PHLPP2: variants seen among roughly 807,000 people sequenced by gnomAD.
The protein encoded by PHLPP2 is PH domain leucine-rich repeat-containing protein phosphatase 2.
A neutral mutation model predicts 124.9 loss-of-function variants in PHLPP2; 66 were observed. The observed-to-expected ratio is 0.53, with a 90% CI of 0.43 to 0.65. The LOEUF is 0.65. Among genes scored for constraint, PHLPP2 ranks in the 30% least tolerant of loss-of-function variants. The probability of loss-of-function intolerance (pLI) is 0.00; values close to 1 mark genes in which losing one functional copy is unlikely to be tolerated. For missense variants in PHLPP2, 1,685 were observed against 1,600.4 expected (o/e 1.05, Z -0.90); for synonymous variants, 681 against 624.7 (o/e 1.09, Z -1.34).
At chr16:71,701,265 CATCTATCTATCT>C (rs61251526) in intron 3 of PHLPP2, among the ~76,000 whole-genome samples, 38,514 of 149,834 alleles carry the variant, frequency 0.26, 5,340 homozygotes, top group Middle Eastern at 0.37. Context: ...ATAACTAATT[CATCTATCTATCT>C]ATCTATCTAT....
intron 2 of PHLPP2, among the ~76,000 whole-genome samples, chr16:71,710,094 C>T (rs2045313774): frequency 6.6e-6 from 1 of 152,190 alleles, no homozygotes; most frequent in South Asian, 2.1e-4. Flanking sequence ...AGCAATCCTT[C>T]TGCCTTGGCC....
intron 2 of PHLPP2, among the ~76,000 whole-genome samples, 188 bp downstream of exon 2, chr16:71,714,324 T>G (rs2045343178): frequency 1.3e-5 from 2 of 152,208 alleles, no homozygotes; most frequent in South Asian, 4.1e-4. Context: ...CTCTCAAATT[T>G]TCCTTGGTCA....
chr16:71,683,937 C>CT (rs1482844547), intron 5 of PHLPP2, among the ~76,000 whole-genome samples: 3 of 130,090 alleles, frequency 2.3e-5, no homozygotes, highest in Non-Finnish European at 5.0e-5. Flanking sequence ...GGATTACAGG[C>CT]ATGTGCCACT....
intron 12 of PHLPP2, chr16:71,665,989 C>T (rs1245399640): frequency 6.6e-6 from 1 of 152,172 alleles, no homozygotes. Flanking sequence ...TTTACGTCTC[C>T]TATTCATTTA....
Position 71,667,245 on chromosome 16 carries a change from C to T in PHLPP2, c.1717G>A (p.Glu573Lys), listed in dbSNP as rs772659214. 71 of 1,613,590 alleles carry T rather than the reference C, an allele frequency of 4.4e-5. No homozygotes were observed. Among genetic ancestry groups the T allele is most frequent in the African/African-American group, 8.0e-5 (6 of 74,866 alleles). Reference sequence around the variant, plus strand: ...GCATTATGCTGAAGATCCAGCACCTCGAGGGGGATGTGCTCTACCAGTGTT... The same window carrying T: ...GCATTATGCTGAAGATCCAGCACCTTGAGGGGGATGTGCTCTACCAGTGTT... ...LPTLVEHIPL[E>K]VLDLQHNALT... Residue 573 changes from glutamate (E) to lysine (K), a missense_variant, in exon 12 of 19, where the codon GAG becomes AAG. By Grantham distance (56) the Glu-to-Lys change is moderately conservative (BLOSUM62 1). Coordinates refer to ENST00000568954, the MANE Select transcript of PHLPP2 (RefSeq NM_015020.3).
At chr16:71,671,931 C>A (rs767586183) in intron 10 of PHLPP2, among the ~76,000 whole-genome samples, 15 of 140,136 alleles carry the variant, frequency 1.1e-4, no homozygotes, top group Admixed American at 1.1e-3. Context: ...CAAACAAACA[C>A]CCACTATCTA....
chr16:71,705,301 T>C (rs1343915631), intron 2 of PHLPP2, among the ~76,000 whole-genome samples: 1 of 152,124 alleles, frequency 6.6e-6, no homozygotes, highest in Non-Finnish European at 1.5e-5. Context: ...ACACTATAAT[T>C]CCATATAAGG....
Position 71,655,290 on chromosome 16 carries a change from C to T in PHLPP2, c.2535G>A (p.Gln845=). The T allele has an allele frequency of 6.2e-7, 1 of 1,614,056 alleles. No individual in the cohort carries two copies. Residue 845 remains glutamine, a synonymous_variant, in exon 17 of 19, where the codon CAG becomes CAA. Coordinates refer to ENST00000568954, the MANE Select transcript of PHLPP2 (RefSeq NM_015020.3). ...CCATGAAAACTGTGTCATTAGTTGACTGCTGTACCTCTTCTAAAAGCACAT... is the reference window on the plus strand; with the variant it reads ...CCATGAAAACTGTGTCATTAGTTGATTGCTGTACCTCTTCTAAAAGCACAT... ...MADVLLEEVQ[Q]STNDTVFMAN... is the part of the protein sequence containing the mutation.
chr16:71,723,880 A>T, intron 1 of PHLPP2: 2 of 1,101,988 alleles, frequency 1.8e-6, no homozygotes, highest in Non-Finnish European at 2.3e-6. Flanking sequence ...GCGACCCAGG[A>T]TTCACAGAGA....
intron 1 of PHLPP2, 110 bp from the exon 2 acceptor site, chr16:71,714,911 AG>A: frequency 7.4e-7 from 1 of 1,352,312 alleles, no homozygotes; most frequent in Non-Finnish European, 9.9e-7. Context: ...ATTCTGCTCA[AG>A]TATCCCCTCC....
At chr16:71,684,107 C>G (rs576513806) in intron 5 of PHLPP2, among the ~76,000 whole-genome samples, 4 of 144,936 alleles carry the variant, frequency 2.8e-5, no homozygotes, top group Non-Finnish European at 6.0e-5. Flanking sequence ...TTTCAAAATA[C>G]ATTTCTCTTG....
rs1286085492 is a variant in PHLPP2, at chr16:71,648,168, T to C, written c.*722A>G. 3 of 152,694 alleles carry C rather than the reference T, an allele frequency of 2.0e-5. No individual in the cohort carries two copies. Among genetic ancestry groups the C allele is most frequent in the Admixed American group, 2.0e-4 (3 of 15,280 alleles). The allele number at this position is 152,694 out of a possible 1,614,324, so 9.5% of individuals were successfully genotyped here. A position where few individuals can be genotyped will look rare whatever the true frequency, so the allele number is the denominator to read the frequency against. ...TTAGTCTGAGATAAGGTGATTTCTC[T>C]GTCACAGAGATCCATCAGCAGCAAC... On this transcript the variant is annotated 3_prime_UTR_variant, in exon 19 of 19. Transcript: ENST00000568954.
intron 3 of PHLPP2, among the ~76,000 whole-genome samples, chr16:71,697,549 T>C (rs1171319831): frequency 6.6e-6 from 1 of 152,236 alleles, no homozygotes; most frequent in Non-Finnish European, 1.5e-5. Flanking sequence ...GGCTGTGTTT[T>C]AGCCTGTTTT....
Position 71,648,663 on chromosome 16 carries a change from T to G in PHLPP2, c.*227A>C, listed in dbSNP as rs2044670179. On this transcript the variant is annotated 3_prime_UTR_variant, in exon 19 of 19. Coordinates refer to ENST00000568954, the MANE Select transcript of PHLPP2 (RefSeq NM_015020.3). Reference sequence around the variant, plus strand: ...GGCAGGTGCCTGTAATCCCAGCTACTCGGGAGGCTGAGACAGGAGAATGGC... The same window carrying G: ...GGCAGGTGCCTGTAATCCCAGCTACGCGGGAGGCTGAGACAGGAGAATGGC... 9.8e-6 allele frequency: 5 copies of G among 507,828 alleles called. No individual in the cohort carries two copies. Among genetic ancestry groups the G allele is most frequent in the Middle Eastern group, 5.1e-4 (1 of 1,974 alleles). The allele number at this position is 507,828 out of a possible 1,614,324, so 31.5% of individuals were successfully genotyped here. A position where few individuals can be genotyped will look rare whatever the true frequency, so the allele number is the denominator to read the frequency against.
chr16:71,658,857 A>G lies in PHLPP2; in HGVS notation c.1986-42T>C, dbSNP rs939724417. 1.1e-5 allele frequency: 18 copies of G among 1,584,676 alleles called. No homozygotes were observed. In the Admixed American group the frequency reaches 1.9e-4, roughly 16 times the overall value. ...AGAATACTATAATGCACCAAGACTG[A>G]GCAGCTGCCAAGGAAGTGCTATTCT... On this transcript the variant is annotated intron_variant, in intron 13 of 18. Coordinates refer to ENST00000568954, the MANE Select transcript of PHLPP2 (RefSeq NM_015020.3).
At chr16:71,655,503 CTTTTTT>C in intron 16 of PHLPP2, 69 bp from the exon 17 acceptor site, 17 of 795,492 alleles carry the variant, frequency 2.1e-5, no homozygotes, top group South Asian at 3.8e-5. Flanking sequence ...AGGGAGCATT[CTTTTTT>C]TTTTTTTTTT....
intron 4 of PHLPP2, among the ~76,000 whole-genome samples, chr16:71,687,152 G>C (rs2045062256): frequency 1.3e-5 from 2 of 152,030 alleles, no homozygotes; most frequent in South Asian, 4.1e-4. Flanking sequence ...ATTTTTATTT[G>C]CATTTCCCTA....
intron 8 of PHLPP2, chr16:71,677,486 ATATATATG>A (rs2044957867): frequency 1.6e-5 from 2 of 123,330 alleles, no homozygotes; most frequent in African/African-American, 5.9e-5. Flanking sequence ...ATATATATAT[ATATATATG>A]GAAGAGTTCA....
At chr16:71,657,539 C>T (rs941398334) in intron 15 of PHLPP2, among the ~76,000 whole-genome samples, 23 of 151,534 alleles carry the variant, frequency 1.5e-4, no homozygotes, top group African/African-American at 5.1e-4. Context: ...GGACTACAGG[C>T]GCCCGCCACC....
Sources: gnomAD v4.1 joint callset for allele counts (sites outside exome capture counted in the v4.1 genomes callset) on GRCh38, gnomAD v4.1.1 for gene constraint, MANE v1.5 for transcripts, NCBI Gene and HGNC (gene_info 2026-07-23, HGNC 2026-07-21) for gene names.